The following NPR2 variants were observed in gnomAD, a reference collection of about 807,000 sequenced individuals.
NPR2 encodes atrial natriuretic peptide receptor 2.
Under a neutral mutation model 120.7 loss-of-function variants are expected in NPR2, and 49 were observed. The observed-to-expected ratio is 0.41, with a 90% CI of 0.32 to 0.52. The LOEUF (loss-of-function observed/expected upper bound fraction) is 0.52. NPR2 is among the 20% of genes least tolerant of loss of function. The pLI, the probability that NPR2 is intolerant of heterozygous loss-of-function variation, is 0.36. For synonymous variants in NPR2, 484 were observed against 519.8 expected (o/e 0.93, Z 0.94); for missense variants, 931 against 1,362.9 (o/e 0.68, Z 4.99).
rs1031104361 is a variant in NPR2, at chr9:35,793,990, T to C, written c.760T>C (p.Tyr254His). The C allele has an allele frequency of 7.4e-6, 12 of 1,614,110 alleles. No individual in the cohort carries two copies. Among genetic ancestry groups the C allele is most frequent in the Non-Finnish European group, 9.3e-6 (11 of 1,180,038 alleles). Residue 254 changes from tyrosine (Y) to histidine (H), a missense_variant, in exon 2 of 22, where the codon TAC (tyrosine) becomes CAC (histidine). By Grantham distance (83) the Tyr-to-His change is moderately conservative. Coordinates refer to ENST00000342694, the MANE Select transcript of NPR2 (RefSeq NM_003995.4). The part of the protein sequence containing the change: ...NLTNGDYVFF[Y>H]LDVFGESLRA... ...GACCAATGGGGATTATGTCTTCTTT[T>C]ACCTGGATGTCTTTGGGGAGAGTCT...
At chr9:35,801,243 TA>T in intron 7 of NPR2, 89 bp downstream of exon 7, 1 of 930,866 alleles carries the variant, frequency 1.1e-6, no homozygotes, top group East Asian at 2.4e-5. Flanking sequence ...TAATGTGGGA[TA>T]GGGTAGTAGG....
At chr9:35,799,938 G>A in intron 3 of NPR2, 84 bp from the exon 4 acceptor site, 1 of 1,588,922 alleles carries the variant, frequency 6.3e-7, no homozygotes, top group Non-Finnish European at 8.6e-7. Flanking sequence ...CCAGAAGAGA[G>A]AATAGGTAGA....
At chr9:35,799,963 G>A in intron 3 of NPR2, 59 bp from the exon 4 acceptor site, 1 of 1,607,880 alleles carries the variant, frequency 6.2e-7, no homozygotes, top group Non-Finnish European at 8.5e-7. Flanking sequence ...AGACCCCAGA[G>A]AGAGGGGAAG....
In NPR2 at chr9:35,806,553, C is replaced by T. The variant is rs370934186; in HGVS notation, c.2519+15C>T. 234 of 1,614,060 alleles carry T rather than the reference C, an allele frequency of 1.4e-4. No homozygotes were observed. The African/African-American group carries it at 2.7e-3, about 19-fold the overall frequency. On this transcript the variant is annotated intron_variant, in intron 16 of 21. Coordinates refer to ENST00000342694, the MANE Select transcript of NPR2 (RefSeq NM_003995.4). This position sits in a 1 kb window ranked among gnomAD's most constrained non-coding sequence, Gnocchi z 4.6. The stretch of plus-strand genomic sequence containing the variant: ...ATCCTACCCCAGTGAGACTTTGTCC[C>T]CCTTCCTGTATTTTCTTTTGGGATT...
chr9:35,793,016 A>G lies in NPR2; in HGVS notation c.608A>G (p.Tyr203Cys). ...GSNLSVQHQV[Y>C]AREPGGPEQA... is the part of the protein sequence containing the mutation. ...AACCTCAGTGTGCAGCACCAGGTGTATGCCCGAGAGCCAGGGGGCCCCGAG... is the reference window on the plus strand; with the variant it reads ...AACCTCAGTGTGCAGCACCAGGTGTGTGCCCGAGAGCCAGGGGGCCCCGAG... Residue 203 changes from tyrosine (Y) to cysteine (C), a missense_variant, in exon 1 of 22, where the codon TAT becomes TGT. Around this residue, in one of 3 missense-constraint regions of NPR2, gnomAD observed 681 missense variants for 974.3 expected, o/e 0.70. Transcript: ENST00000342694. 2 of 1,610,614 alleles carry G rather than the reference A, an allele frequency of 1.2e-6. No individual in the cohort carries two copies. Among genetic ancestry groups the G allele is most frequent in the Non-Finnish European group, 1.7e-6 (2 of 1,178,166 alleles).
Position 35,791,633 on chromosome 9 carries a change from C to T in NPR2, c.-776C>T, listed in dbSNP as rs1207028371. Among the ~76,000 whole-genome samples, 2 of 107,890 alleles carry T rather than the reference C, an allele frequency of 1.9e-5. No individual in the cohort carries two copies. The highest frequency in any genetic ancestry group is 7.0e-5 in the African/African-American group (2 of 28,382). 70.8% of individuals were successfully genotyped at this position (107,890 alleles called of 152,430 possible). On this transcript the variant is annotated 5_prime_UTR_variant, in exon 1 of 22. Coordinates refer to ENST00000342694, the MANE Select transcript of NPR2 (RefSeq NM_003995.4). ...GCCGGCGCAGCGAGCGGAGACGGGC[C>T]GGGCCGAGGCGACCTGACCCGGACG...
At chr9:35,794,177 A>T in intron 2 of NPR2, 74 bp downstream of exon 2, 2 of 1,411,478 alleles carry the variant, frequency 1.4e-6, no homozygotes, top group South Asian at 2.6e-5. Flanking sequence ...ACAAGACCCT[A>T]AAGAAACCCT....
chr9:35,799,699 G>C lies in NPR2; in HGVS notation c.955G>C (p.Glu319Gln). 3 of 1,614,036 alleles carry C rather than the reference G, an allele frequency of 1.9e-6. No homozygotes were observed. The highest frequency in any genetic ancestry group is 2.5e-6 in the Non-Finnish European group (3 of 1,179,994). The change falls in exon 3 of 22, where the codon GAA becomes CAA. Residue 319 changes from glutamate (E) to glutamine (Q), a missense_variant. Physicochemically the swap from Glu to Gln is conservative, Grantham distance 29 (BLOSUM62 2). Transcript: ENST00000342694. ...FQNRLLIRAR[E>Q]DFGVELGPSL... ...GAATCGTCTGCTGATAAGAGCCCGG[G>C]AAGACTTTGGTGTGGAGCTGGGCCC...
chr9:35,800,318 C>A lies in NPR2; in HGVS notation c.1124-71C>A. ...CGGGGAAGGGTAGACTCTGAGGGAG[C>A]CGTAGGCATGAGTGAGTGGGAGAGG... is the stretch of plus-strand genomic sequence containing the variant. On this transcript the variant is annotated intron_variant, in intron 4 of 21. Transcript: ENST00000342694. The surrounding 1 kb of genome is among the most constrained non-coding windows in gnomAD (Gnocchi z 4.7). 1 of 1,466,722 alleles carries A rather than the reference C, an allele frequency of 6.8e-7. No individual in the cohort carries two copies. Among genetic ancestry groups the A allele is most frequent in the Non-Finnish European group, 9.6e-7 (1 of 1,045,700 alleles). The allele number at this position is 1,466,722 out of a possible 1,614,324, so 90.9% of individuals were successfully genotyped here.
rs1037869303 is a variant in NPR2 at position 35,806,332 on chromosome 9, A to T, written c.2373-60A>T. On this transcript the variant is annotated intron_variant, in intron 15 of 21. Coordinates refer to ENST00000342694, the MANE Select transcript of NPR2 (RefSeq NM_003995.4). The surrounding 1 kb of genome is among the most constrained non-coding windows in gnomAD (Gnocchi z 4.6). ...GGTGGGACCAGAGGGTGGGTTGGAT[A>T]GGAAGTCCTGGGAATCTTCAGAATC... The T allele has an allele frequency of 6.2e-7, 1 of 1,609,994 alleles. No individual in the cohort carries two copies. Among genetic ancestry groups the T allele is most frequent in the Non-Finnish European group, 8.5e-7 (1 of 1,176,380 alleles).
In NPR2 at chr9:35,805,669, C is replaced by A. The variant is rs1373967974; in HGVS notation, c.2046C>A (p.Ala682=). The stretch of plus-strand genomic sequence containing the variant: ...CTGATGACAGCCATGCCCTCTATGC[C>A]AGTGAGGCCCACCCCCACAACCCAC... ...AEPDDSHALY[A]KKLWTAPELL... is the part of the protein sequence containing the mutation. The change falls in exon 13 of 22, where the codon GCC becomes GCA. Residue 682 remains alanine, a splice_region_variant and synonymous_variant. Transcript: ENST00000342694. This position sits in a 1 kb window ranked among gnomAD's most constrained non-coding sequence, Gnocchi z 4.9. The A allele has an allele frequency of 6.2e-7, 1 of 1,613,860 alleles. No homozygotes were observed. Among genetic ancestry groups the A allele is most frequent in the African/African-American group, 1.3e-5 (1 of 74,930 alleles).
Position 35,806,069 on chromosome 9 carries a change from T to G in NPR2, c.2208T>G (p.Ile736Met), listed in dbSNP as rs778771581. The change falls in exon 15 of 22, where the codon ATT (isoleucine) becomes ATG (methionine). Residue 736 changes from isoleucine (I) to methionine (M), a missense_variant. Ile to Met is a conservative substitution (Grantham distance 10, BLOSUM62 1). Transcript: ENST00000342694. This position sits in a 1 kb window ranked among gnomAD's most constrained non-coding sequence, Gnocchi z 4.6. ...LEGLDLSPKE[I>M]VQKVRNGQRP... ...CAAACCTTTGATCACCCTCAGAGAT[T>G]GTCCAGAAGGTACGAAATGGTCAGC... is the stretch of plus-strand genomic sequence containing the variant. The G allele has an allele frequency of 1.2e-6, 2 of 1,614,162 alleles. No individual in the cohort carries two copies. The highest frequency in any genetic ancestry group is 1.7e-6 in the Non-Finnish European group (2 of 1,180,034).
chr9:35,794,474 T>C (rs924545937), intron 2 of NPR2, among the ~76,000 whole-genome samples: 1 of 152,134 alleles, frequency 6.6e-6, no homozygotes, highest in African/African-American at 2.4e-5. Context: ...AGACAAAGTT[T>C]GAGAAAGGAT....
rs1022914384 is a variant in NPR2 at position 35,802,858 on chromosome 9, CTT to C, written c.1887+57_1887+58del. 1 of 1,206,550 alleles carries C rather than the reference CTT, an allele frequency of 8.3e-7. No homozygotes were observed. Among genetic ancestry groups the C allele is most frequent in the Admixed American group, 1.7e-5 (1 of 59,518 alleles). The allele number at this position is 1,206,550 out of a possible 1,614,324, so 74.7% of individuals were successfully genotyped here. On this transcript the variant is annotated intron_variant, in intron 12 of 21. Transcript: ENST00000342694. The surrounding 1 kb of genome is among the most constrained non-coding windows in gnomAD (Gnocchi z 4.2). ...TCCACTTTAAATCACTTCCACTGTTCTTTGATTGTGGTTTTTCTCCTTCTAGT... is the reference window on the plus strand; with the variant it reads ...TCCACTTTAAATCACTTCCACTGTTCTGATTGTGGTTTTTCTCCTTCTAGT...
At position 35,792,404 on chromosome 9, in the gene NPR2, T is replaced by C; in HGVS notation, c.-5T>C. 1 of 1,610,250 alleles carries C rather than the reference T, an allele frequency of 6.2e-7. No homozygotes were observed. Among genetic ancestry groups the C allele is most frequent in the African/African-American group, 1.3e-5 (1 of 74,962 alleles). On this transcript the variant is annotated 5_prime_UTR_variant, in exon 1 of 22. Transcript: ENST00000342694. ...TGGGGGCGGTGGGGCTGCTGCTTTA[T>C]CCCCATGGCGCTGCCATCACTTCTG...
chr9:35,801,185 C>A lies in NPR2; in HGVS notation c.1436+31C>A, dbSNP rs1828141084. 9 of 1,527,472 alleles carry A rather than the reference C, an allele frequency of 5.9e-6. No homozygotes were observed. The East Asian group carries it at 1.8e-4, about 31-fold the overall frequency. The allele number at this position is 1,527,472 out of a possible 1,614,324, so 94.6% of individuals were successfully genotyped here. ...TTCTGGGTTTCTTGCTGACCTACTC[C>A]CTGCCCCCATTGCCACACAACCTCT... On this transcript the variant is annotated intron_variant, in intron 7 of 21. Coordinates refer to ENST00000342694, the MANE Select transcript of NPR2 (RefSeq NM_003995.4).
In NPR2 at chr9:35,805,730, G is replaced by A. The variant is rs577139535; in HGVS notation, c.2047+60G>A. 165 of 1,610,034 alleles carry A rather than the reference G, an allele frequency of 1.0e-4. No individual in the cohort carries two copies. The highest frequency in any genetic ancestry group is 1.8e-4 in the Middle Eastern group (1 of 5,480). ...GCTCCTCTTTCCACCTAGGGATGGT[G>A]GGAGAGGGAGGTGGAGTGACAGTAA... On this transcript the variant is annotated intron_variant, in intron 13 of 21. Transcript: ENST00000342694. The surrounding 1 kb of genome is among the most constrained non-coding windows in gnomAD (Gnocchi z 4.9).
rs1395276029 is a variant in NPR2, at chr9:35,793,907, T to A, written c.677T>A (p.Ile226Asn). The change falls in exon 2 of 22, where the codon ATC becomes AAC. Residue 226 changes from isoleucine to asparagine, a missense_variant. By Grantham distance (149) the Ile-to-Asn change is moderately radical. Coordinates refer to ENST00000342694, the MANE Select transcript of NPR2 (RefSeq NM_003995.4). ...ATGTACCTGCTCCCAGTTGTGTATA[T>A]CTGCGGCCCTCTGGAGATGCTGCAT... Reference protein sequence around the residue: ...FIRANGRIVYICGPLEMLHEI... With the variant: ...FIRANGRIVYNCGPLEMLHEI... 6.2e-7 allele frequency: 1 copy of A among 1,614,196 alleles called. No homozygotes were observed. Among genetic ancestry groups the A allele is most frequent in the Admixed American group, 1.7e-5 (1 of 60,032 alleles).
intron 3 of NPR2, 75 bp downstream of exon 3, chr9:35,799,806 G>T: frequency 3.4e-6 from 5 of 1,449,352 alleles, no homozygotes; most frequent in Non-Finnish European, 4.8e-6. Context: ...TCAGCATCAA[G>T]TCTTGGCTGT....
Sources: allele counts gnomAD v4.1 joint callset (sites outside exome capture counted in the v4.1 genomes callset), GRCh38; gene constraint gnomAD v4.1.1; regional missense constraint gnomAD v4.1.1; non-coding constraint Gnocchi (gnomAD v3.1); transcripts MANE v1.5; gene names NCBI Gene and HGNC (gene_info 2026-07-23, HGNC 2026-07-21).